Variants in SLC35F3 observed in about 807,000 individuals in gnomAD.
SLC35F3 encodes putative thiamine transporter SLC35F3.
A neutral mutation model predicts 49.9 loss-of-function variants in SLC35F3; 25 were observed. The observed-to-expected ratio is 0.50, with a 90% CI of 0.37 to 0.70. SLC35F3 has a LOEUF of 0.70. Among genes scored for constraint, SLC35F3 ranks in the 30% least tolerant of loss-of-function variants. The pLI is 0.00. For synonymous variants in SLC35F3, 275 were observed against 265.4 expected, an observed-to-expected ratio of 1.04 and a Z score of -0.35; for missense variants, 525 against 639.8, an observed-to-expected ratio of 0.82 and a Z score of 1.94.
At chr1:233,976,046 A>G (rs1489753791) in intron 2 of SLC35F3, among the ~76,000 whole-genome samples, 1 of 152,244 alleles carries the variant, frequency 6.6e-6, no homozygotes, top group Non-Finnish European at 1.5e-5. Context: ...AGTGCAAAAA[A>G]GAAAATATGC....
At chr1:234,147,682 T>C (rs930944994) in intron 2 of SLC35F3, among the ~76,000 whole-genome samples, 2 of 152,346 alleles carry the variant, frequency 1.3e-5, no homozygotes, top group South Asian at 4.1e-4. Context: ...GAATAAACTC[T>C]GAGGGCAGCC....
At chr1:234,311,157 G>A (rs1225172336) in intron 4 of SLC35F3, among the ~76,000 whole-genome samples, 3 of 152,166 alleles carry the variant, frequency 2.0e-5, no homozygotes, top group Non-Finnish European at 2.9e-5. Context: ...ATTCCTCTCC[G>A]AAGTGCATGA....
Position 234,323,633 on chromosome 1 carries a change from G to A in SLC35F3, c.*390G>A, listed in dbSNP as rs1367543701. The A allele has an allele frequency of 5.0e-6, 1 of 199,494 alleles. No individual in the cohort carries two copies. The highest frequency in any genetic ancestry group is 1.0e-5 in the Non-Finnish European group (1 of 97,150). 12.4% of individuals were successfully genotyped at this position (199,494 alleles called of 1,614,324 possible). ...ACACTGTGATTATTTTTCAGCTATGGTAGGTCATATTTTGTTTTATACCAG... is the reference window on the plus strand; with the variant it reads ...ACACTGTGATTATTTTTCAGCTATGATAGGTCATATTTTGTTTTATACCAG... On this transcript the variant is annotated 3_prime_UTR_variant, in exon 8 of 8. Transcript: ENST00000366618. This position sits in a 1 kb window ranked among gnomAD's most constrained non-coding sequence, Gnocchi z 4.5.
At chr1:233,941,931 T>C (rs1473377675) in intron 2 of SLC35F3, among the ~76,000 whole-genome samples, 3 of 151,278 alleles carry the variant, frequency 2.0e-5, no homozygotes, top group African/African-American at 4.9e-5. Context: ...AAAGTTTCCT[T>C]GTGCCTCTTG....
chr1:233,948,597 A>G (rs1242914174), intron 2 of SLC35F3, among the ~76,000 whole-genome samples: 1 of 150,418 alleles, frequency 6.6e-6, no homozygotes, highest in Non-Finnish European at 1.5e-5. Flanking sequence ...GTTTTAGGGT[A>G]CATGTGCACA....
In SLC35F3 at chr1:234,231,117, G is replaced by A. The variant is rs138947278; in HGVS notation, c.284-300G>A. 1.1e-3 allele frequency among the ~76,000 whole-genome samples: 170 copies of A among 152,342 alleles called. No homozygotes were observed. Among genetic ancestry groups the A allele is most frequent in the Non-Finnish European group, 1.7e-3 (113 of 68,024 alleles). On this transcript the variant is annotated intron_variant, in intron 2 of 7. Transcript: ENST00000366618. The surrounding 1 kb of genome is among the most constrained non-coding windows in gnomAD (Gnocchi z 5.4). ...ATGCAGGTTCTGATTTTGGAGTCTG[G>A]GGTGAGCCCTGAGATTCTGCATTTC...
chr1:233,983,466 G>A (rs1326146525), intron 2 of SLC35F3, among the ~76,000 whole-genome samples: 1 of 152,112 alleles, frequency 6.6e-6, no homozygotes, highest in Non-Finnish European at 1.5e-5. Context: ...TTCTATTTGT[G>A]CAGTACCCCC....
chr1:234,035,233 T>G (rs1412118637), intron 2 of SLC35F3, among the ~76,000 whole-genome samples: 1 of 152,196 alleles, frequency 6.6e-6, no homozygotes, highest in African/African-American at 2.4e-5. Flanking sequence ...TCTGAACCTT[T>G]CTTTAATCTA....
Position 234,227,392 on chromosome 1 carries a change from C to CTTT in SLC35F3, c.284-4003_284-4001dup, listed in dbSNP as rs369277069. 3.5e-3 allele frequency among the ~76,000 whole-genome samples: 383 copies of CTTT among 108,652 alleles called. 2 individuals carry two copies. Among genetic ancestry groups the CTTT allele is most frequent in the East Asian group, 0.016 (29 of 1,830 alleles). 71.3% of individuals were successfully genotyped at this position (108,652 alleles called of 152,430 possible). On this transcript the variant is annotated intron_variant, in intron 2 of 7. Transcript: ENST00000366618. ...TCCTTGAGGCACTGCCTCTTTCTTTCTTTTTTTTTTTTTTTTTTTTTTTTG... is the reference window on the plus strand; with the variant it reads ...TCCTTGAGGCACTGCCTCTTTCTTTCTTTTTTTTTTTTTTTTTTTTTTTTTTTG...
chr1:234,205,073 C>A (rs1469698868), intron 2 of SLC35F3, among the ~76,000 whole-genome samples: 1 of 152,158 alleles, frequency 6.6e-6, no homozygotes, highest in East Asian at 1.9e-4. Flanking sequence ...AAAGAGCCAC[C>A]CTCAGTGCTT....
intron 3 of SLC35F3, among the ~76,000 whole-genome samples, chr1:234,236,868 T>G (rs1667478050): frequency 6.7e-6 from 1 of 148,414 alleles, no homozygotes; most frequent in Non-Finnish European, 1.5e-5. Context: ...CAATTGTTGT[T>G]CTTGACCCTA....
chr1:234,042,527 T>C (rs12087895), intron 2 of SLC35F3, among the ~76,000 whole-genome samples: 4,771 of 152,256 alleles, frequency 0.031, 230 homozygotes, highest in African/African-American at 0.11. Flanking sequence ...AACAAATTCT[T>C]TTTTCTTTTG....
chr1:233,921,327 C>A (rs982594897), intron 2 of SLC35F3, among the ~76,000 whole-genome samples: 5 of 152,170 alleles, frequency 3.3e-5, no homozygotes, highest in Admixed American at 6.5e-5. Flanking sequence ...CAGTCTCCCC[C>A]ATCTTTAACA....
intron 2 of SLC35F3, among the ~76,000 whole-genome samples, chr1:233,949,986 T>G (rs1662576586): frequency 6.6e-6 from 1 of 152,106 alleles, no homozygotes; most frequent in Admixed American, 6.6e-5. Flanking sequence ...GGGAACAGCC[T>G]ATTTGTCCCC....
chr1:233,925,256 G>T (rs1662137691), intron 2 of SLC35F3, among the ~76,000 whole-genome samples: 1 of 152,138 alleles, frequency 6.6e-6, no homozygotes, highest in South Asian at 2.1e-4. Context: ...CATTATTATT[G>T]TGTGGGAGTC....
chr1:233,982,217 G>A (rs1450169976), intron 2 of SLC35F3, among the ~76,000 whole-genome samples: 1 of 152,164 alleles, frequency 6.6e-6, no homozygotes, highest in African/African-American at 2.4e-5. Flanking sequence ...GAGCCATGAC[G>A]CCCAGCTGTG....
At chr1:234,203,986 ATG>A (rs1666936003) in intron 2 of SLC35F3, among the ~76,000 whole-genome samples, 1 of 152,226 alleles carries the variant, frequency 6.6e-6, no homozygotes, top group Non-Finnish European at 1.5e-5. Flanking sequence ...CATACGGACT[ATG>A]TGGGCTGTCA....
At position 234,149,593 on chromosome 1, in the gene SLC35F3, A is replaced by C. The variant is rs75268042; in HGVS notation, c.284-81824A>C. 7.3e-3 allele frequency among the ~76,000 whole-genome samples: 1,112 copies of C among 152,204 alleles called. 20 individuals are homozygous for C. Among genetic ancestry groups the C allele is most frequent in the African/African-American group, 0.024 (1,002 of 41,536 alleles). ...ATGGCTTCCTCCATGAACCAAAGAGAGGCATCCCTAATCCTATGAATTCCT... is the reference window on the plus strand; with the variant it reads ...ATGGCTTCCTCCATGAACCAAAGAGCGGCATCCCTAATCCTATGAATTCCT... On this transcript the variant is annotated intron_variant, in intron 2 of 7. Transcript: ENST00000366618.
chr1:234,276,224 C>T (rs1668208929), intron 3 of SLC35F3, among the ~76,000 whole-genome samples: 1 of 152,074 alleles, frequency 6.6e-6, no homozygotes, highest in Admixed American at 6.6e-5. Flanking sequence ...TAAATTAAGC[C>T]TCTTCAATTT....
Sources: allele counts gnomAD v4.1 joint callset (sites outside exome capture counted in the v4.1 genomes callset), GRCh38; gene constraint gnomAD v4.1.1; non-coding constraint Gnocchi (gnomAD v3.1); transcripts MANE v1.5; gene names NCBI Gene and HGNC (gene_info 2026-07-23, HGNC 2026-07-21).